TFDP2: variants seen among roughly 807,000 people sequenced by gnomAD.
The protein encoded by TFDP2 is transcription factor Dp-2 (E2F dimerization partner 2).
Under a neutral mutation model 59.3 loss-of-function variants are expected in TFDP2, and 17 were observed. That is an observed-to-expected ratio of 0.29 (90% CI 0.20 to 0.43). TFDP2 has a LOEUF of 0.43. TFDP2 is among the 20% of genes least tolerant of loss of function. The pLI is 1.00. For missense variants in TFDP2, 391 were observed against 528.8 expected, an observed-to-expected ratio of 0.74 and a Z score of 2.56; for synonymous variants, 180 against 194.7, an observed-to-expected ratio of 0.92 and a Z score of 0.63.
chr3:141,949,834 G>A lies in TFDP2; in HGVS notation c.*2679C>T, dbSNP rs1935741879. On this transcript the variant is annotated 3_prime_UTR_variant, in exon 13 of 13. Coordinates refer to ENST00000489671, the MANE Select transcript of TFDP2 (RefSeq NM_001178139.2). ...TTTTTTTTTTTTTTTTTTTGAGACA[G>A]GGTCTTGCTCTGTCACCCAGGCTGG... 6.7e-5 allele frequency: 1 copy of A among 14,842 alleles called. No homozygotes were observed. 0.9% of individuals were successfully genotyped at this position (14,842 alleles called of 1,614,324 possible).
chr3:142,136,981 T>C (rs1192693746), intron 1 of TFDP2, among the ~76,000 whole-genome samples: 4 of 152,122 alleles, frequency 2.6e-5, no homozygotes, highest in Non-Finnish European at 4.4e-5. Flanking sequence ...CTTTGGGCAA[T>C]ATAACCATTT....
intron 3 of TFDP2, among the ~76,000 whole-genome samples, chr3:142,022,696 A>C (rs1383984433): frequency 6.6e-6 from 1 of 152,236 alleles, no homozygotes; most frequent in Non-Finnish European, 1.5e-5. Context: ...ACTCTCATGA[A>C]GAAGCTCACA....
chr3:142,042,299 C>CTT (rs1315557168), intron 3 of TFDP2, among the ~76,000 whole-genome samples: 2 of 146,660 alleles, frequency 1.4e-5, no homozygotes, highest in African/African-American at 5.0e-5. Context: ...AATAGTGTTT[C>CTT]TTTTTTTTTT....
intron 1 of TFDP2, among the ~76,000 whole-genome samples, chr3:142,133,263 C>A (rs974060619): frequency 6.7e-6 from 1 of 150,254 alleles, no homozygotes; most frequent in Admixed American, 6.6e-5. Flanking sequence ...GTCACCCAGA[C>A]TGGAGTCCAG....
intron 2 of TFDP2, among the ~76,000 whole-genome samples, chr3:142,094,865 T>C (rs1410149302): frequency 2.0e-5 from 3 of 152,238 alleles, no homozygotes; most frequent in Non-Finnish European, 4.4e-5. Context: ...AATACAGTAC[T>C]ATTAATTATC....
At chr3:142,133,811 GGTTTT>G (rs1426962993) in intron 1 of TFDP2, among the ~76,000 whole-genome samples, 1 of 151,828 alleles carries the variant, frequency 6.6e-6, no homozygotes, top group Non-Finnish European at 1.5e-5. Context: ...AAAGTGTTCT[GGTTTT>G]GTTTTGTTTT....
At chr3:142,053,547 C>T (rs1947752832) in intron 3 of TFDP2, among the ~76,000 whole-genome samples, 1 of 152,118 alleles carries the variant, frequency 6.6e-6, no homozygotes, top group Admixed American at 6.6e-5. Flanking sequence ...CTCATGAGTC[C>T]TTTATAGCAA....
chr3:142,052,739 C>A (rs1039657910), intron 3 of TFDP2, among the ~76,000 whole-genome samples: 2 of 152,014 alleles, frequency 1.3e-5, no homozygotes, highest in Non-Finnish European at 2.9e-5. Flanking sequence ...AAGGGTAGTC[C>A]ACCCCTCCCA....
intron 3 of TFDP2, among the ~76,000 whole-genome samples, chr3:142,040,275 C>T (rs1419705443): frequency 6.6e-6 from 1 of 152,108 alleles, no homozygotes; most frequent in Non-Finnish European, 1.5e-5. Flanking sequence ...AAATCTTTTC[C>T]CTTTTTAATC....
In TFDP2 at chr3:141,947,000, C is replaced by G. The variant is rs1935324994; in HGVS notation, c.*5513G>C. On this transcript the variant is annotated 3_prime_UTR_variant, in exon 13 of 13. Transcript: ENST00000489671. ...TGAGATCATGCCACTGCACTCCAGCCTGGGCAACAGAGCAAGACTCCATCT... is the reference window on the plus strand; with the variant it reads ...TGAGATCATGCCACTGCACTCCAGCGTGGGCAACAGAGCAAGACTCCATCT... 6.6e-6 allele frequency: 1 copy of G among 152,202 alleles called. No individual in the cohort carries two copies. Among genetic ancestry groups the G allele is most frequent in the African/African-American group, 2.4e-5 (1 of 41,426 alleles). The allele number at this position is 152,202 out of a possible 1,614,324, so 9.4% of individuals were successfully genotyped here.
Position 141,947,437 on chromosome 3 carries a change from C to CAA in TFDP2, c.*5075_*5076insTT. The CAA allele has an allele frequency of 1.3e-5, 2 of 152,090 alleles. No individual in the cohort carries two copies. The highest frequency in any genetic ancestry group is 1.3e-4 in the Admixed American group (2 of 15,264). 9.4% of individuals were successfully genotyped at this position (152,090 alleles called of 1,614,324 possible). A position where few individuals can be genotyped will look rare whatever the true frequency, so the allele number is the denominator to read the frequency against. Reference sequence around the variant, plus strand: ...TTCTTTCTTTTTTCTTTTTTTGAGACAGAGTCCTGCTCTGTCACCTGGGCT... The same window carrying CAA: ...TTCTTTCTTTTTTCTTTTTTTGAGACAAAGAGTCCTGCTCTGTCACCTGGGCT... On this transcript the variant is annotated 3_prime_UTR_variant, in exon 13 of 13. Transcript: ENST00000489671.
chr3:141,998,635 G>T (rs915566623), intron 4 of TFDP2, among the ~76,000 whole-genome samples: 1 of 151,872 alleles, frequency 6.6e-6, no homozygotes, highest in African/African-American at 2.4e-5. Flanking sequence ...AAAAAAATTT[G>T]AAGTACTGAA....
In TFDP2 at chr3:141,951,437, G is replaced by A. The variant is rs1306394285; in HGVS notation, c.*1076C>T. 6.6e-6 allele frequency: 1 copy of A among 152,538 alleles called. No homozygotes were observed. 9.4% of individuals were successfully genotyped at this position (152,538 alleles called of 1,614,324 possible). ...TAGTTTGAAATGCAATTGACCCCAG[G>A]AGTAGGCTCAATAAGGTCATTCTGA... is the stretch of plus-strand genomic sequence containing the variant. On this transcript the variant is annotated 3_prime_UTR_variant, in exon 13 of 13. Transcript: ENST00000489671.
chr3:141,956,898 C>T (rs1482168044), intron 11 of TFDP2, among the ~76,000 whole-genome samples: 1 of 151,374 alleles, frequency 6.6e-6, no homozygotes, highest in African/African-American at 2.4e-5. Flanking sequence ...GCACTCCAGC[C>T]TGGAGAGCAA....
chr3:142,065,298 A>C (rs976332429), intron 3 of TFDP2, among the ~76,000 whole-genome samples: 1 of 151,876 alleles, frequency 6.6e-6, no homozygotes, highest in African/African-American at 2.4e-5. Context: ...CTGGGACTGC[A>C]CAGGCACAGG....
In TFDP2 at chr3:142,101,758, G is replaced by A; in HGVS notation, c.-9C>T. 1 of 1,333,154 alleles carries A rather than the reference G, an allele frequency of 7.5e-7. No homozygotes were observed. Among genetic ancestry groups the A allele is most frequent in the South Asian group, 1.7e-5 (1 of 57,766 alleles). The allele number at this position is 1,333,154 out of a possible 1,614,324, so 82.6% of individuals were successfully genotyped here. On this transcript the variant is annotated 5_prime_UTR_variant, in exon 2 of 13. Transcript: ENST00000489671. ...ACATTTTTTGCCGTCATGTCAAACTGTATTCTATTTAAGATTCTGTAAAGC... is the reference window on the plus strand; with the variant it reads ...ACATTTTTTGCCGTCATGTCAAACTATATTCTATTTAAGATTCTGTAAAGC...
chr3:141,975,574 A>T (rs1486557904), intron 7 of TFDP2, among the ~76,000 whole-genome samples: 1 of 151,836 alleles, frequency 6.6e-6, no homozygotes, highest in Admixed American at 6.6e-5. Flanking sequence ...CATGACTGTA[A>T]TGCCAGCTAC....
intron 3 of TFDP2, among the ~76,000 whole-genome samples, chr3:142,080,688 T>G (rs2060609076): frequency 1.3e-5 from 2 of 152,140 alleles, no homozygotes; most frequent in African/African-American, 2.4e-5. Context: ...AAAGAGCAGA[T>G]GTAGCTATAC....
Position 142,018,032 on chromosome 3 carries a change from T to A in TFDP2, c.83-12488A>T, listed in dbSNP as rs139062669. Among the ~76,000 whole-genome samples, 841 of 152,074 alleles carry A rather than the reference T, an allele frequency of 5.5e-3. 7 individuals carry two copies. Among genetic ancestry groups the A allele is most frequent in the African/African-American group, 0.019 (794 of 41,476 alleles). ...ATCTTGGTTTACTGCAACCTCCGCC[T>A]CCTGGGTTCAGGCGATTCTCCTGCC... On this transcript the variant is annotated intron_variant, in intron 3 of 12. Transcript: ENST00000489671.
Sources: allele counts gnomAD v4.1 joint callset (sites outside exome capture counted in the v4.1 genomes callset), GRCh38; gene constraint gnomAD v4.1.1; transcripts MANE v1.5; gene names NCBI Gene and HGNC (gene_info 2026-07-23, HGNC 2026-07-21).